AFM: variants seen among roughly 807,000 people sequenced by gnomAD.
AFM encodes afamin, also known as alpha-Alb.
In AFM, 82 loss-of-function variants were observed where a neutral mutation model predicts 68.7. The ratio of observed to expected loss-of-function variants is 1.19; its 90% CI spans 1.00 to 1.43. The LOEUF is 1.43. Ranked by LOEUF, AFM falls within the 40% of genes most tolerant of loss-of-function variation. The pLI is 0.00. For synonymous variants in AFM, 250 were observed against 234.2 expected, an observed-to-expected ratio of 1.07 and a Z score of -0.61; for missense variants, 772 against 701.8, an observed-to-expected ratio of 1.10 and a Z score of -1.13.
At chr4:73,486,865 A>G (rs1720914262) in intron 4 of AFM, 102 bp from the exon 5 acceptor site, 6 of 1,168,914 alleles carry the variant, frequency 5.1e-6, no homozygotes, top group Non-Finnish European at 7.2e-6. Flanking sequence ...TTTCCTTCCC[A>G]TCTTACCCTC....
intron 13 of AFM, among the ~76,000 whole-genome samples, chr4:73,502,809 G>A (rs958018502): frequency 6.6e-6 from 1 of 152,116 alleles, no homozygotes; most frequent in Non-Finnish European, 1.5e-5. Context: ...TCAATATCTA[G>A]CATTTATCTG....
intron 1 of AFM, 113 bp downstream of exon 1, chr4:73,481,976 C>G (rs1028448642): frequency 4.0e-6 from 3 of 745,602 alleles, no homozygotes; most frequent in African/African-American, 3.6e-5. Flanking sequence ...CACCCTCTCA[C>G]TAATTTACAT....
chr4:73,501,985 C>A (rs993970935), intron 13 of AFM, 66 bp downstream of exon 13: 1 of 1,549,956 alleles, frequency 6.5e-7, no homozygotes, highest in Admixed American at 1.8e-5. Flanking sequence ...AAAACAGAAC[C>A]CTGCAGGACA....
chr4:73,494,269 G>T (rs1423466148), intron 8 of AFM, among the ~76,000 whole-genome samples: 1 of 152,032 alleles, frequency 6.6e-6, no homozygotes, highest in Non-Finnish European at 1.5e-5. Flanking sequence ...AATCAAGAAG[G>T]TCAAATCCTG....
intron 2 of AFM, 75 bp downstream of exon 2, chr4:73,484,064 G>A (rs577588885): frequency 2.1e-6 from 3 of 1,400,874 alleles, no homozygotes; most frequent in Non-Finnish European, 2.9e-6. Flanking sequence ...CTTCTCAAAA[G>A]TAATTTAACT....
intron 8 of AFM, 49 bp from the exon 9 acceptor site, chr4:73,495,251 T>A (rs1240619295): frequency 1.3e-6 from 2 of 1,523,732 alleles, no homozygotes; most frequent in Admixed American, 2.3e-5. Context: ...GGAATTGGGT[T>A]TTTTGCTCTT....
At chr4:73,489,021 A>G (rs1488698060) in intron 7 of AFM, among the ~76,000 whole-genome samples, 1 of 152,122 alleles carries the variant, frequency 6.6e-6, no homozygotes, top group Non-Finnish European at 1.5e-5. Flanking sequence ...GAAATTTCAA[A>G]TTTTTCATAG....
At chr4:73,486,354 C>T (rs1223247764) in intron 4 of AFM, among the ~76,000 whole-genome samples, 2 of 152,088 alleles carry the variant, frequency 1.3e-5, no homozygotes, top group Non-Finnish European at 2.9e-5. Context: ...TGGTAGGATG[C>T]ACAGTAGAGG....
rs1721390097 is a variant in AFM, at chr4:73,500,187, T to C, written c.1606T>C (p.Cys536Arg). ...TTTATTTACCTTTCACGCAGACATG[T>C]GTCAATCTCAGAATGAGGAGCTTCA... ...QDLFTFHADM[C>R]QSQNEELQRK... Residue 536 changes from cysteine to arginine, a missense_variant, in exon 12 of 15, where the codon TGT (cysteine) becomes CGT (arginine). Cys to Arg is a radical substitution (Grantham distance 180). Coordinates refer to ENST00000226355, the MANE Select transcript of AFM (RefSeq NM_001133.2). 1.2e-6 allele frequency: 2 copies of C among 1,613,740 alleles called. No homozygotes were observed. Among genetic ancestry groups the C allele is most frequent in the Non-Finnish European group, 1.7e-6 (2 of 1,179,850 alleles).
chr4:73,491,042 A>G (rs886538007), intron 7 of AFM, among the ~76,000 whole-genome samples: 4 of 152,220 alleles, frequency 2.6e-5, no homozygotes, highest in Non-Finnish European at 5.9e-5. Flanking sequence ...GAAATAGTCT[A>G]GTGTGTTGCT....
chr4:73,492,649 T>C (rs947496438), intron 8 of AFM, among the ~76,000 whole-genome samples: 1 of 151,446 alleles, frequency 6.6e-6, no homozygotes, highest in Admixed American at 6.6e-5. Context: ...ATATATAAAA[T>C]TCATATAAGA....
rs761630747 is a variant in AFM at position 73,487,713 on chromosome 4, T to G, written c.616-11T>G. 6.4e-7 allele frequency: 1 copy of G among 1,565,380 alleles called. No individual in the cohort carries two copies. Among genetic ancestry groups the G allele is most frequent in the Non-Finnish European group, 8.8e-7 (1 of 1,140,224 alleles). ...CTATTGTTTCAAAAGAATTTTCTCT[T>G]TCTTCTTCAGGCAATACCTGTCACA... On this transcript the variant is annotated splice_polypyrimidine_tract_variant and intron_variant, in intron 5 of 14. Coordinates refer to ENST00000226355, the MANE Select transcript of AFM (RefSeq NM_001133.2).
At chr4:73,493,829 T>C (rs1469804193) in intron 8 of AFM, among the ~76,000 whole-genome samples, 1 of 152,208 alleles carries the variant, frequency 6.6e-6, no homozygotes, top group Admixed American at 6.5e-5. Flanking sequence ...CTGACATATG[T>C]GTTTGATAGA....
chr4:73,501,950 A>G (rs760812387), intron 13 of AFM, 31 bp downstream of exon 13: 1 of 1,606,558 alleles, frequency 6.2e-7, no homozygotes, highest in Non-Finnish European at 8.5e-7. Flanking sequence ...CTGAAATTCA[A>G]CTGGTTTTCC....
intron 4 of AFM, 67 bp from the exon 5 acceptor site, chr4:73,486,898 TTG>T: frequency 2.0e-6 from 3 of 1,482,540 alleles, no homozygotes; most frequent in African/African-American, 1.4e-5. Context: ...TTCCCTTCCC[TTG>T]TCTACATTCA....
intron 9 of AFM, 62 bp from the exon 10 acceptor site, chr4:73,497,590 T>C (rs1186628878): frequency 1.9e-6 from 2 of 1,076,830 alleles, no homozygotes; most frequent in African/African-American, 1.6e-5. Flanking sequence ...TACACATTGA[T>C]GTAAAGCTTA....
At chr4:73,492,133 T>A in intron 8 of AFM, 47 bp downstream of exon 8, 1 of 1,538,342 alleles carries the variant, frequency 6.5e-7, no homozygotes, top group Non-Finnish European at 8.8e-7. Context: ...GAAAGAAACT[T>A]ATAAGATTTG....
chr4:73,501,460 A>G (rs972618228), intron 12 of AFM, among the ~76,000 whole-genome samples: 4 of 152,166 alleles, frequency 2.6e-5, no homozygotes, highest in Admixed American at 2.6e-4. Flanking sequence ...TTTTCCTACT[A>G]TACTACTGAA....
At chr4:73,489,869 C>T (rs764317079) in intron 7 of AFM, among the ~76,000 whole-genome samples, 3 of 152,036 alleles carry the variant, frequency 2.0e-5, no homozygotes, top group Non-Finnish European at 2.9e-5. Context: ...CTCATGCATG[C>T]GGGGCTTAAA....
Sources: gnomAD v4.1 joint callset for allele counts (sites outside exome capture counted in the v4.1 genomes callset) on GRCh38, gnomAD v4.1.1 for gene constraint, MANE v1.5 for transcripts, NCBI Gene and HGNC (gene_info 2026-07-23, HGNC 2026-07-21) for gene names.